CDC42EP4: variants seen among roughly 807,000 people sequenced by gnomAD.
CDC42EP4 encodes the protein CDC42 effector protein 4.
A neutral mutation model predicts 5.6 loss-of-function variants in CDC42EP4; 6 were observed. The observed-to-expected ratio is 1.07, with a 90% CI of 0.59 to 2.12. The LOEUF (loss-of-function observed/expected upper bound fraction) is 2.12, where lower values mean the gene tolerates loss of function less well. CDC42EP4 is among the 30% of genes most tolerant of loss of function. CDC42EP4 has a pLI of 0.00. For missense variants in CDC42EP4, 490 were observed against 508.6 expected, an observed-to-expected ratio of 0.96 and a Z score of 0.35; for synonymous variants, 230 against 224.2, an observed-to-expected ratio of 1.03 and a Z score of -0.23.
intron 1 of CDC42EP4, among the ~76,000 whole-genome samples, chr17:73,297,322 A>ACACACACACACACACACACACT: frequency 6.7e-6 from 1 of 149,366 alleles, no homozygotes. Flanking sequence ...ACACACACAC[A>ACACACACACACACACACACACT]AATTAGCCAG....
chr17:73,303,609 A>G (rs577026588), intron 1 of CDC42EP4, among the ~76,000 whole-genome samples: 1 of 150,146 alleles, frequency 6.7e-6, no homozygotes, highest in South Asian at 2.1e-4. Context: ...TTGCAGTGAG[A>G]TGAGATCATG....
intron 1 of CDC42EP4, among the ~76,000 whole-genome samples, chr17:73,294,188 T>TA (rs2062174395): frequency 6.6e-6 from 1 of 151,942 alleles, no homozygotes; most frequent in Admixed American, 6.6e-5. Flanking sequence ...CCATCTCCAC[T>TA]AAAAACACAG....
intron 1 of CDC42EP4, among the ~76,000 whole-genome samples, chr17:73,309,135 C>A (rs531764681): frequency 1.9e-4 from 28 of 148,752 alleles, no homozygotes; most frequent in African/African-American, 6.9e-4. Flanking sequence ...ATCCCTTGAG[C>A]TCAGGAGTTC....
Position 73,295,068 on chromosome 17 carries a change from T to C in CDC42EP4, c.-112-8456A>G, listed in dbSNP as rs535761500. On this transcript the variant is annotated intron_variant, in intron 1 of 1. Coordinates refer to ENST00000335793, the MANE Select transcript of CDC42EP4 (RefSeq NM_012121.5). The stretch of plus-strand genomic sequence containing the variant: ...CTCAGGGGATCCACCTGCCTCGGCC[T>C]CCCAAAGTGCTGGGATTACAGGCTT... Among the ~76,000 whole-genome samples the C allele has an allele frequency of 7.2e-5, 11 of 152,228 alleles. No individual in the cohort carries two copies. In the South Asian group the frequency reaches 2.3e-3, roughly 32 times the overall value.
intron 1 of CDC42EP4, among the ~76,000 whole-genome samples, chr17:73,299,551 T>C (rs1045548463): frequency 4.6e-5 from 7 of 152,018 alleles, no homozygotes; most frequent in Admixed American, 4.6e-4. Context: ...GCAATCTTCC[T>C]GCTTCAGCCT....
At chr17:73,295,111 C>T (rs557660132) in intron 1 of CDC42EP4, among the ~76,000 whole-genome samples, 2 of 152,262 alleles carry the variant, frequency 1.3e-5, no homozygotes, top group African/African-American at 4.8e-5. Context: ...TGCGCCTGGC[C>T]CCAGTGGATT....
At chr17:73,287,415 G>A (rs1228123225) in intron 1 of CDC42EP4, among the ~76,000 whole-genome samples, 1 of 152,158 alleles carries the variant, frequency 6.6e-6, no homozygotes. Context: ...TGGGAGGCAG[G>A]GACTGGACCC....
intron 1 of CDC42EP4, among the ~76,000 whole-genome samples, chr17:73,291,816 C>T (rs2062162789): frequency 6.6e-6 from 1 of 152,144 alleles, no homozygotes; most frequent in African/African-American, 2.4e-5. Flanking sequence ...TACCCTCAGC[C>T]CACTGACCAC....
At chr17:73,300,116 T>C (rs1599438437) in intron 1 of CDC42EP4, among the ~76,000 whole-genome samples, 1 of 152,272 alleles carries the variant, frequency 6.6e-6, no homozygotes, top group East Asian at 1.9e-4. Flanking sequence ...CCAACACCAC[T>C]TGCCCCACCC....
rs547362762 is a variant in CDC42EP4 at position 73,297,001 on chromosome 17, A to AAAAAAAAC, written c.-112-10390_-112-10389insGTTTTTTT. 2.0e-3 allele frequency among the ~76,000 whole-genome samples: 125 copies of AAAAAAAAC among 61,770 alleles called. 23 individuals are homozygous for AAAAAAAAC. The highest frequency in any genetic ancestry group is 5.3e-3 in the East Asian group (13 of 2,460). 40.5% of individuals were successfully genotyped at this position (61,770 alleles called of 152,430 possible). On this transcript the variant is annotated intron_variant, in intron 1 of 1. Transcript: ENST00000335793. ...GTCTCAAAAAAAAAAAAAAAAAAAA[A>AAAAAAAAC]AAATACACAAGGCCAAGCGCCGTGG... is the stretch of plus-strand genomic sequence containing the variant.
At position 73,286,120 on chromosome 17, in the gene CDC42EP4, G is replaced by A. The variant is rs150501422; in HGVS notation, c.381C>T (p.Ala127=). The A allele has an allele frequency of 2.7e-3, 4,398 of 1,613,996 alleles. 19 individuals are homozygous for A. Among genetic ancestry groups the A allele is most frequent in the South Asian group, 3.4e-3 (306 of 91,076 alleles). The change falls in exon 2 of 2, where the codon GCC becomes GCT. Residue 127 remains alanine (A), a synonymous_variant. Transcript: ENST00000335793. The surrounding 1 kb of genome is among the most constrained non-coding windows in gnomAD (Gnocchi z 7.7). The part of the protein sequence containing the change: ...MSLPQLNEKE[A]AEKGTSKLPK... ...GCAGCTTACTGGTGCCCTTCTCCGC[G>A]GCCTCCTTCTCATTGAGCTGGGGCA...
chr17:73,301,710 C>CTTT (rs35550966), intron 1 of CDC42EP4, among the ~76,000 whole-genome samples: 8 of 131,394 alleles, frequency 6.1e-5, no homozygotes, highest in Admixed American at 7.9e-5. Context: ...CCATGCCCAG[C>CTTT]TTTTTTTTTT....
At chr17:73,290,941 C>G (rs1568341316) in intron 1 of CDC42EP4, among the ~76,000 whole-genome samples, 1 of 152,186 alleles carries the variant, frequency 6.6e-6, no homozygotes, top group East Asian at 1.9e-4. Flanking sequence ...CCCAAAGGGA[C>G]CAAATATCCT....
At chr17:73,310,844 C>G (rs1371595305) in intron 1 of CDC42EP4, 1 of 153,258 alleles carries the variant, frequency 6.5e-6, no homozygotes, top group Non-Finnish European at 1.4e-5. Flanking sequence ...CCCCGGCTCC[C>G]GCCCAGCTCT....
chr17:73,294,300 T>A (rs2062174778), intron 1 of CDC42EP4, among the ~76,000 whole-genome samples: 1 of 152,020 alleles, frequency 6.6e-6, no homozygotes, highest in Admixed American at 6.6e-5. Flanking sequence ...TGCAGTGAGC[T>A]GAGATCGCGC....
intron 1 of CDC42EP4, among the ~76,000 whole-genome samples, chr17:73,288,567 C>G (rs2062145237): frequency 6.6e-6 from 1 of 152,198 alleles, no homozygotes; most frequent in South Asian, 2.1e-4. Context: ...GCGCCTGGTC[C>G]ATCCAGAGGG....
chr17:73,290,982 C>A (rs1272337472), intron 1 of CDC42EP4, among the ~76,000 whole-genome samples: 1 of 152,158 alleles, frequency 6.6e-6, no homozygotes, highest in Non-Finnish European at 1.5e-5. Flanking sequence ...AGGACAGCTC[C>A]CCGCATCCCA....
At chr17:73,292,151 T>C (rs1253498629) in intron 1 of CDC42EP4, among the ~76,000 whole-genome samples, 2 of 152,216 alleles carry the variant, frequency 1.3e-5, no homozygotes, top group Non-Finnish European at 2.9e-5. Context: ...TGCCCTGCGG[T>C]TCACCCCGGT....
At position 73,284,787 on chromosome 17, in the gene CDC42EP4, G is replaced by C. The variant is rs1453475348; in HGVS notation, c.*643C>G. 6.6e-6 allele frequency: 1 copy of C among 152,242 alleles called. No individual in the cohort carries two copies. The highest frequency in any genetic ancestry group is 1.5e-5 in the Non-Finnish European group (1 of 68,080). 9.4% of individuals were successfully genotyped at this position (152,242 alleles called of 1,614,324 possible). ...CCCTTCTTGCAATTCACGAAGCCTG[G>C]GGGGCTTTCCTTCCATTCTCCATCC... On this transcript the variant is annotated 3_prime_UTR_variant, in exon 2 of 2. Transcript: ENST00000335793.
Sources: gnomAD v4.1 joint callset for allele counts (sites outside exome capture counted in the v4.1 genomes callset) on GRCh38, gnomAD v4.1.1 for gene constraint, Gnocchi (gnomAD v3.1) non-coding constraint, MANE v1.5 for transcripts, NCBI Gene and HGNC (gene_info 2026-07-23, HGNC 2026-07-21) for gene names.